The following DLGAP2 variants were observed in gnomAD, a reference collection of about 807,000 sequenced individuals.
DLGAP2 encodes DLG associated protein 2.
Under a neutral mutation model 100.3 loss-of-function variants are expected in DLGAP2, and 26 were observed. The ratio of observed to expected loss-of-function variants is 0.26; its 90% CI spans 0.19 to 0.36. The LOEUF is 0.36. DLGAP2 is among the 10% of genes least tolerant of loss of function. DLGAP2 has a pLI of 1.00. For synonymous variants in DLGAP2, 886 were observed against 630.1 expected (o/e 1.41, Z -6.08); for missense variants, 1,858 against 1,453.2 (o/e 1.28, Z -4.53).
intron 3 of DLGAP2, among the ~76,000 whole-genome samples, chr8:1,483,856 C>T (rs566588572): frequency 6.6e-6 from 1 of 152,250 alleles, no homozygotes; most frequent in East Asian, 1.9e-4. Flanking sequence ...GGTTTGCTCA[C>T]AATTGTTCAT....
chr8:1,251,770 G>A (rs776953357), intron 2 of DLGAP2, among the ~76,000 whole-genome samples: 1 of 152,218 alleles, frequency 6.6e-6, no homozygotes, highest in Non-Finnish European at 1.5e-5. Context: ...TTGTCATCTT[G>A]TCCTAGGGTT....
chr8:1,226,211 GAC>G (rs928215492), intron 2 of DLGAP2, among the ~76,000 whole-genome samples: 3 of 152,082 alleles, frequency 2.0e-5, no homozygotes, highest in Admixed American at 1.3e-4. Flanking sequence ...CAAGAGCAAA[GAC>G]ACAGAATCAA....
At chr8:1,143,356 A>G (rs761775901) in intron 2 of DLGAP2, among the ~76,000 whole-genome samples, 10 of 152,314 alleles carry the variant, frequency 6.6e-5, no homozygotes, top group Admixed American at 1.3e-4. Context: ...CTGCATTCAA[A>G]TTTTTAGTTT....
At chr8:863,857 C>A (rs1797440934) in intron 1 of DLGAP2, among the ~76,000 whole-genome samples, 1 of 152,180 alleles carries the variant, frequency 6.6e-6, no homozygotes, top group Non-Finnish European at 1.5e-5. Flanking sequence ...CCACTACTGG[C>A]TACAACCCCA....
intron 5 of DLGAP2, among the ~76,000 whole-genome samples, chr8:1,553,947 T>C (rs1563217886): frequency 6.6e-6 from 1 of 152,208 alleles, no homozygotes; most frequent in Non-Finnish European, 1.5e-5. Flanking sequence ...TTTTACAAAA[T>C]GGAGCCAGGC....
At chr8:821,524 A>G (rs1796583251) in intron 1 of DLGAP2, among the ~76,000 whole-genome samples, 2 of 152,226 alleles carry the variant, frequency 1.3e-5, no homozygotes, top group South Asian at 4.1e-4. Flanking sequence ...TAATTTATCA[A>G]AAATACATAT....
At position 1,668,601 on chromosome 8, in the gene DLGAP2, C is replaced by A. The variant is rs376778482; in HGVS notation, c.2083C>A (p.Arg695=). ...GCCAGAGAGCCAGAGCAGCTCTGTG[C>A]GGACCAGCGACAAGGCCATCCTGGT... ...HLPESQSSSV[R]TSDKAILVSK... is the part of the protein sequence containing the mutation. The change falls in exon 9 of 15, where the codon CGG becomes AGG. Residue 695 remains arginine, a synonymous_variant. Coordinates refer to ENST00000637795, the MANE Select transcript of DLGAP2 (RefSeq NM_001346810.2). 4.4e-6 allele frequency: 7 copies of A among 1,598,992 alleles called. No individual in the cohort carries two copies. The South Asian group carries it at 5.7e-5, about 13-fold the overall frequency.
intron 3 of DLGAP2, among the ~76,000 whole-genome samples, chr8:1,443,127 A>T (rs11785543): frequency 0.01 from 1,583 of 152,334 alleles, 12 homozygotes; most frequent in Non-Finnish European, 0.017. Flanking sequence ...AAAACATGAA[A>T]AGTTTTATGT....
At chr8:940,701 T>C (rs780082710) in intron 2 of DLGAP2, among the ~76,000 whole-genome samples, 1 of 152,210 alleles carries the variant, frequency 6.6e-6, no homozygotes, top group Non-Finnish European at 1.5e-5. Flanking sequence ...TTCTCCCATG[T>C]CTCCAGATGC....
intron 1 of DLGAP2, among the ~76,000 whole-genome samples, chr8:810,359 G>A (rs148801805): frequency 1.1e-4 from 16 of 152,246 alleles, no homozygotes; most frequent in Admixed American, 3.3e-4. Flanking sequence ...GAAAATATAG[G>A]GTAGTTTATC....
intron 6 of DLGAP2, among the ~76,000 whole-genome samples, chr8:1,578,385 A>C (rs962852532): frequency 6.6e-6 from 1 of 152,206 alleles, no homozygotes; most frequent in Non-Finnish European, 1.5e-5. Flanking sequence ...GGGCACACCA[A>C]GTCCTTGGGA....
rs1476688463 is a variant in DLGAP2 at position 1,706,950 on chromosome 8, A to G, written c.*5544A>G. The stretch of plus-strand genomic sequence containing the variant: ...CTTGCCACATTGAAAAATGTCCACA[A>G]TTTTATGAATTGCTGTCCTAACCCT... On this transcript the variant is annotated 3_prime_UTR_variant, in exon 15 of 15. Coordinates refer to ENST00000637795, the MANE Select transcript of DLGAP2 (RefSeq NM_001346810.2). The G allele has an allele frequency of 6.6e-6, 1 of 152,576 alleles. No individual in the cohort carries two copies. Among genetic ancestry groups the G allele is most frequent in the East Asian group, 1.9e-4 (1 of 5,198 alleles). The allele number at this position is 152,576 out of a possible 1,614,324, so 9.5% of individuals were successfully genotyped here. A position where few individuals can be genotyped will look rare whatever the true frequency, so the allele number is the denominator to read the frequency against.
chr8:1,320,672 C>G (rs1800875921), intron 3 of DLGAP2, among the ~76,000 whole-genome samples: 2 of 152,198 alleles, frequency 1.3e-5, no homozygotes, highest in African/African-American at 4.8e-5. Flanking sequence ...ATTCTCACCT[C>G]TCTTAGCTTT....
intron 5 of DLGAP2, among the ~76,000 whole-genome samples, chr8:1,550,643 T>A (rs1259086723): frequency 3.9e-5 from 6 of 152,058 alleles, no homozygotes; most frequent in Non-Finnish European, 7.4e-5. Flanking sequence ...GTCTCTGGGG[T>A]GTGGATTAAA....
intron 1 of DLGAP2, among the ~76,000 whole-genome samples, chr8:793,217 A>G (rs1004386211): frequency 3.3e-5 from 5 of 152,176 alleles, no homozygotes. Context: ...AGAATCCTTG[A>G]ATGTCTAAAA....
At position 1,549,330 on chromosome 8, in the gene DLGAP2, A is replaced by T. The variant is rs368229038; in HGVS notation, c.877A>T (p.Met293Leu). 48 of 1,613,150 alleles carry T rather than the reference A, an allele frequency of 3.0e-5. No individual in the cohort carries two copies. The highest frequency in any genetic ancestry group is 1.2e-4 in the African/African-American group (9 of 74,938). Residue 293 changes from methionine to leucine, a missense_variant, in exon 5 of 15, where the codon ATG becomes TTG. By Grantham distance (15) the Met-to-Leu change is conservative (BLOSUM62 2). Transcript: ENST00000637795. Reference sequence around the variant, plus strand: ...GCCGGAGGGCAAGCCCCGGCCCGGCATGAGCAGCTGGTGGAGCTCGGACGA... The same window carrying T: ...GCCGGAGGGCAAGCCCCGGCCCGGCTTGAGCAGCTGGTGGAGCTCGGACGA... ...RKPEGKPRPG[M>L]SSWWSSDDNL...
intron 2 of DLGAP2, among the ~76,000 whole-genome samples, chr8:982,112 A>G (rs939308171): frequency 1.3e-5 from 2 of 152,314 alleles, no homozygotes; most frequent in Middle Eastern, 3.4e-3. Flanking sequence ...CAGCCTCCCA[A>G]GGGGCCTGGC....
intron 1 of DLGAP2, among the ~76,000 whole-genome samples, chr8:832,865 T>C (rs1170563782): frequency 1.3e-5 from 2 of 152,128 alleles, no homozygotes; most frequent in African/African-American, 4.8e-5. Flanking sequence ...AGGAGAGAGA[T>C]GGCACGGGGT....
chr8:1,634,228 T>C (rs1159423715), intron 8 of DLGAP2, among the ~76,000 whole-genome samples: 3 of 152,202 alleles, frequency 2.0e-5, no homozygotes, highest in African/African-American at 7.2e-5. Context: ...TTTGCATAAA[T>C]TTAAAGATTA....
Sources: allele counts gnomAD v4.1 joint callset (sites outside exome capture counted in the v4.1 genomes callset), GRCh38; gene constraint gnomAD v4.1.1; transcripts MANE v1.5; gene names NCBI Gene and HGNC (gene_info 2026-07-23, HGNC 2026-07-21).